Variants in CSTF3 observed in about 807,000 individuals in gnomAD.
CSTF3 encodes CF-1 77 kDa subunit.
Under a neutral mutation model 105.8 loss-of-function variants are expected in CSTF3, and 29 were observed. That is an observed-to-expected ratio of 0.27 (90% CI 0.20 to 0.37). CSTF3 has a LOEUF of 0.37. Ranked by LOEUF, CSTF3 falls within the 10% of genes least tolerant of loss-of-function variation. CSTF3 has a pLI of 1.00. For synonymous variants in CSTF3, 252 were observed against 281.9 expected (o/e 0.89, Z 1.06); for missense variants, 357 against 879.3 (o/e 0.41, Z 7.51).
At chr11:33,119,608 T>G (rs1298520854) in intron 3 of CSTF3, among the ~76,000 whole-genome samples, 1 of 151,774 alleles carries the variant, frequency 6.6e-6, no homozygotes, top group Non-Finnish European at 1.5e-5. Context: ...ATTTTAGAAA[T>G]AGCCCATTTC....
chr11:33,139,898 T>C (rs749467305), intron 3 of CSTF3, among the ~76,000 whole-genome samples: 3 of 151,896 alleles, frequency 2.0e-5, no homozygotes, highest in Admixed American at 6.6e-5. Flanking sequence ...TCCTGAAACT[T>C]TTTTTTAGGA....
intron 18 of CSTF3, among the ~76,000 whole-genome samples, chr11:33,086,583 A>G (rs922938535): frequency 3.9e-5 from 6 of 152,166 alleles, no homozygotes; most frequent in East Asian, 1.9e-4. Context: ...GATTACATGT[A>G]TATGCCACCA....
chr11:33,157,184 T>G (rs1849877729), intron 1 of CSTF3, among the ~76,000 whole-genome samples: 1 of 151,924 alleles, frequency 6.6e-6, no homozygotes, highest in Admixed American at 6.6e-5. Flanking sequence ...GAAACACCAT[T>G]TCTACTAAAA....
intron 1 of CSTF3, among the ~76,000 whole-genome samples, chr11:33,158,605 G>A (rs1171487211): frequency 6.6e-6 from 1 of 152,134 alleles, no homozygotes; most frequent in African/African-American, 2.4e-5. Flanking sequence ...AGGGGAACAT[G>A]ACCCTTAACA....
chr11:33,152,586 C>A (rs1849802217), intron 1 of CSTF3, among the ~76,000 whole-genome samples: 1 of 152,184 alleles, frequency 6.6e-6, no homozygotes, highest in African/African-American at 2.4e-5. Context: ...ATAGAACTTA[C>A]AATCTTGGCT....
At chr11:33,129,338 C>T (rs992138090) in intron 3 of CSTF3, among the ~76,000 whole-genome samples, 5 of 151,504 alleles carry the variant, frequency 3.3e-5, no homozygotes, top group Admixed American at 6.6e-5. Context: ...GTGATCTGCC[C>T]GCCTCAGCCT....
chr11:33,120,769 C>T (rs1425007463), intron 3 of CSTF3, among the ~76,000 whole-genome samples: 1 of 151,826 alleles, frequency 6.6e-6, no homozygotes. Flanking sequence ...AGTTACTATT[C>T]ACATATTCAT....
intron 1 of CSTF3, among the ~76,000 whole-genome samples, chr11:33,159,721 T>G (rs1398350266): frequency 6.6e-6 from 1 of 151,762 alleles, no homozygotes; most frequent in African/African-American, 2.4e-5. Context: ...TATGGTGAGC[T>G]GTGATGGCGT....
chr11:33,143,975 G>A (rs765575454), intron 1 of CSTF3, among the ~76,000 whole-genome samples: 1 of 152,086 alleles, frequency 6.6e-6, no homozygotes, highest in Non-Finnish European at 1.5e-5. Flanking sequence ...GGGTGACAGA[G>A]ACTACGTCTC....
chr11:33,137,258 C>A (rs1488995134), intron 3 of CSTF3, among the ~76,000 whole-genome samples: 1 of 151,854 alleles, frequency 6.6e-6, no homozygotes, highest in East Asian at 1.9e-4. Context: ...TAAATGGCTA[C>A]ATTTCACATA....
At chr11:33,095,818 T>TA (rs1565003047) in intron 15 of CSTF3, among the ~76,000 whole-genome samples, 2 of 48,960 alleles carry the variant, frequency 4.1e-5, no homozygotes, top group Non-Finnish European at 5.0e-5. Flanking sequence ...AGACTCTGTC[T>TA]CAAATAAATA....
At chr11:33,109,339 A>G (rs566625782) in intron 3 of CSTF3, among the ~76,000 whole-genome samples, 1 of 152,332 alleles carries the variant, frequency 6.6e-6, no homozygotes, top group African/African-American at 2.4e-5. Context: ...GTACAGTAAT[A>G]GAGTAGTATT....
chr11:33,091,799 C>A (rs1855171861), intron 16 of CSTF3, among the ~76,000 whole-genome samples: 1 of 152,122 alleles, frequency 6.6e-6, no homozygotes, highest in African/African-American at 2.4e-5. Context: ...GCCTCAACCT[C>A]CTGGGCTCAA....
chr11:33,084,774 C>T lies in CSTF3; in HGVS notation c.*313G>A, dbSNP rs1440806435. ...AAGCCATCCAGTTTTTAAAATAAAA[C>T]TGTTGAAAAACTCACAAATCTTCAA... On this transcript the variant is annotated 3_prime_UTR_variant, in exon 21 of 21. Coordinates refer to ENST00000323959, the MANE Select transcript of CSTF3 (RefSeq NM_001326.3). 1 of 323,532 alleles carries T rather than the reference C, an allele frequency of 3.1e-6. No individual in the cohort carries two copies. Among genetic ancestry groups the T allele is most frequent in the Non-Finnish European group, 5.8e-6 (1 of 172,974 alleles). 20.0% of individuals were successfully genotyped at this position (323,532 alleles called of 1,614,324 possible). A position where few individuals can be genotyped will look rare whatever the true frequency, so the allele number is the denominator to read the frequency against.
intron 8 of CSTF3, among the ~76,000 whole-genome samples, chr11:33,105,023 A>G (rs1454056780): frequency 1.3e-5 from 2 of 152,192 alleles, no homozygotes; most frequent in Admixed American, 1.3e-4. Flanking sequence ...TGCTGGGATT[A>G]CAAGTGTAAG....
At chr11:33,137,275 T>G (rs756047690) in intron 3 of CSTF3, among the ~76,000 whole-genome samples, 1 of 151,758 alleles carries the variant, frequency 6.6e-6, no homozygotes, top group Admixed American at 6.6e-5. Context: ...CATAAAAGAA[T>G]TATCTAGAAA....
intron 1 of CSTF3, among the ~76,000 whole-genome samples, chr11:33,150,219 TAAAAAA>T (rs10714096): frequency 1.9e-5 from 2 of 104,400 alleles, no homozygotes; most frequent in Non-Finnish European, 3.9e-5. Context: ...TGTCTCAAAC[TAAAAAA>T]AAAAAAAAAA....
In CSTF3 at chr11:33,102,348, C is replaced by G. The variant is rs114796342; in HGVS notation, c.664-9G>C. 1.7e-3 allele frequency: 2,684 copies of G among 1,613,362 alleles called. 35 individuals carry two copies. The African/African-American group carries it at 0.03, about 18-fold the overall frequency. On this transcript the variant is annotated splice_polypyrimidine_tract_variant and intron_variant, in intron 9 of 20. Coordinates refer to ENST00000323959, the MANE Select transcript of CSTF3 (RefSeq NM_001326.3). ...ATTACTGTCTCATATTCCTAGACAACAAGGATTTAGAATTCTTTGGTGAGC... is the reference window on the plus strand; with the variant it reads ...ATTACTGTCTCATATTCCTAGACAAGAAGGATTTAGAATTCTTTGGTGAGC...
chr11:33,154,753 C>T (rs1306572762), intron 1 of CSTF3, among the ~76,000 whole-genome samples: 1 of 152,102 alleles, frequency 6.6e-6, no homozygotes, highest in Non-Finnish European at 1.5e-5. Flanking sequence ...CCTCAGCCTC[C>T]CGAAGTGCTG....
Sources: gnomAD v4.1 joint callset for allele counts (sites outside exome capture counted in the v4.1 genomes callset) on GRCh38, gnomAD v4.1.1 for gene constraint, MANE v1.5 for transcripts, NCBI Gene and HGNC (gene_info 2026-07-23, HGNC 2026-07-21) for gene names.